ARHGAP11A: variants seen among roughly 807,000 people sequenced by gnomAD.
The protein encoded by ARHGAP11A is rho GTPase-activating protein 11A.
In ARHGAP11A, 36 loss-of-function variants were observed where a neutral mutation model predicts 60.5. That is an observed-to-expected ratio of 0.59 (90% CI 0.46 to 0.79). The LOEUF (loss-of-function observed/expected upper bound fraction) is 0.79. Among genes scored for constraint, ARHGAP11A ranks in the 30% least tolerant of loss-of-function variants. The pLI is 0.00. For missense variants in ARHGAP11A, 1,071 were observed against 1,199.2 expected, an observed-to-expected ratio of 0.89 and a Z score of 1.58; for synonymous variants, 362 against 415.5, an observed-to-expected ratio of 0.87 and a Z score of 1.57.
intron 7 of ARHGAP11A, among the ~76,000 whole-genome samples, chr15:32,629,017 T>G (rs1231312703): frequency 6.6e-6 from 1 of 152,190 alleles, no homozygotes; most frequent in African/African-American, 2.4e-5. Flanking sequence ...AAAATTTTTT[T>G]AGTCTCCTGT....
intron 2 of ARHGAP11A, among the ~76,000 whole-genome samples, chr15:32,621,761 G>C (rs1230416161): frequency 1.3e-5 from 2 of 151,562 alleles, no homozygotes; most frequent in East Asian, 1.9e-4. Flanking sequence ...GGCGGAGCTT[G>C]CAGTGAGCCA....
Position 32,637,034 on chromosome 15 carries a change from A to T in ARHGAP11A, c.2261A>T (p.His754Leu), listed in dbSNP as rs1391532692. Reference protein sequence around the residue: ...MEGNLPKCAAHSKDEARSSFS... With the variant: ...MEGNLPKCAALSKDEARSSFS... ...GGTAACTTACCGAAGTGTGCAGCAC[A>T]TAGCAAGGACGAGGCTAGATCCTCT... The change falls in exon 12 of 12, where the codon CAT becomes CTT. Residue 754 changes from histidine (H) to leucine (L), a missense_variant. Coordinates refer to ENST00000361627, the MANE Select transcript of ARHGAP11A (RefSeq NM_014783.6). 6.2e-7 allele frequency: 1 copy of T among 1,613,960 alleles called. No homozygotes were observed. The highest frequency in any genetic ancestry group is 1.3e-5 in the African/African-American group (1 of 75,070).
At chr15:32,621,869 A>G (rs2053327742) in intron 2 of ARHGAP11A, among the ~76,000 whole-genome samples, 1 of 152,306 alleles carries the variant, frequency 6.6e-6, no homozygotes, top group South Asian at 2.1e-4. Flanking sequence ...CTAAAAATGC[A>G]TATGGTGAAA....
intron 2 of ARHGAP11A, among the ~76,000 whole-genome samples, chr15:32,622,164 A>T (rs1319543510): frequency 6.6e-6 from 1 of 152,310 alleles, no homozygotes; most frequent in East Asian, 1.9e-4. Flanking sequence ...CATGCCTGTT[A>T]TGCCAGCACT....
intron 1 of ARHGAP11A, among the ~76,000 whole-genome samples, chr15:32,618,009 A>C (rs929645899): frequency 3.3e-5 from 5 of 152,204 alleles, no homozygotes; most frequent in African/African-American, 1.2e-4. Context: ...CCACTTCTTC[A>C]TCTAATGATA....
chr15:32,636,732 A>C lies in ARHGAP11A; in HGVS notation c.1959A>C (p.Glu653Asp), dbSNP rs1465611167. Reference protein sequence around the residue: ...LFETNDLTIVESKEKYEHHTG... With the variant: ...LFETNDLTIVDSKEKYEHHTG... The stretch of plus-strand genomic sequence containing the variant: ...AAACTAATGATTTGACTATAGTAGA[A>C]TCAAAGGAGAAATATGAACACCACA... Residue 653 changes from glutamate to aspartate, a missense_variant, in exon 12 of 12, where the codon GAA becomes GAC. Around this residue, in one of 4 missense-constraint regions of ARHGAP11A, gnomAD observed 776 missense variants for 760.2 expected, o/e 1.02. Coordinates refer to ENST00000361627, the MANE Select transcript of ARHGAP11A (RefSeq NM_014783.6). The C allele has an allele frequency of 1.2e-6, 2 of 1,613,838 alleles. No homozygotes were observed. The highest frequency in any genetic ancestry group is 3.3e-5 in the Admixed American group (2 of 59,984).
chr15:32,638,027 C>T lies in ARHGAP11A; in HGVS notation c.*182C>T. The T allele has an allele frequency of 1.7e-6, 1 of 575,702 alleles. No individual in the cohort carries two copies. Among genetic ancestry groups the T allele is most frequent in the Non-Finnish European group, 2.9e-6 (1 of 343,920 alleles). The allele number at this position is 575,702 out of a possible 1,614,324, so 35.7% of individuals were successfully genotyped here. On this transcript the variant is annotated 3_prime_UTR_variant, in exon 12 of 12. Coordinates refer to ENST00000361627, the MANE Select transcript of ARHGAP11A (RefSeq NM_014783.6). ...AGATTTTTATTTGTACAAATTACTT[C>T]TTTGTTTTTCTTAATGATGGCAATT...
chr15:32,618,842 C>A (rs1197855106), intron 1 of ARHGAP11A, among the ~76,000 whole-genome samples: 1 of 149,238 alleles, frequency 6.7e-6, no homozygotes, highest in Non-Finnish European at 1.5e-5. Flanking sequence ...GTCCCAGCTA[C>A]TCGGGAAGCT....
rs558972628 is a variant in ARHGAP11A at position 32,625,131 on chromosome 15, G to A, written c.603G>A (p.Pro201=). The change falls in exon 5 of 12, where the codon CCG becomes CCA. Residue 201 remains proline (P), a synonymous_variant. Transcript: ENST00000361627. ...DSSNLAVIFA[P]NLLQTSEGHE... The stretch of plus-strand genomic sequence containing the variant: ...GCAATCTTGCAGTAATATTTGCACC[G>A]AATCTTCTTCAGACAAGTGAAGGAC... The A allele has an allele frequency of 7.2e-5, 117 of 1,613,862 alleles. No homozygotes were observed. The highest frequency in any genetic ancestry group is 3.3e-4 in the Middle Eastern group (2 of 6,056).
chr15:32,636,016 A>C (rs1418323170), intron 11 of ARHGAP11A, 101 bp downstream of exon 11: 3 of 1,431,198 alleles, frequency 2.1e-6, no homozygotes, highest in Non-Finnish European at 2.8e-6. Context: ...CTAGAGATTA[A>C]AAGTTCATGT....
intron 11 of ARHGAP11A, 66 bp from the exon 12 acceptor site, chr15:32,636,191 T>C (rs2053709358): frequency 6.7e-7 from 1 of 1,494,724 alleles, no homozygotes; most frequent in Non-Finnish European, 8.9e-7. Context: ...ATTTGCCATG[T>C]GCTTGGGTAT....
chr15:32,631,229 T>C (rs191264175), intron 8 of ARHGAP11A, among the ~76,000 whole-genome samples: 5 of 152,336 alleles, frequency 3.3e-5, no homozygotes, highest in Admixed American at 3.3e-4. Flanking sequence ...ATAACAAATA[T>C]GATGCTTTTA....
At chr15:32,627,588 G>T (rs1262944169) in intron 6 of ARHGAP11A, among the ~76,000 whole-genome samples, 2 of 151,904 alleles carry the variant, frequency 1.3e-5, no homozygotes, top group African/African-American at 2.4e-5. Flanking sequence ...AATTAGCTGG[G>T]CGTGGTGGCG....
At chr15:32,618,624 GCAA>G (rs1258580806) in intron 1 of ARHGAP11A, among the ~76,000 whole-genome samples, 59 of 152,168 alleles carry the variant, frequency 3.9e-4, no homozygotes, top group Non-Finnish European at 7.8e-4. Context: ...CAGCTGTTAA[GCAA>G]GAGTTAAGAT....
At chr15:32,631,191 A>C (rs2053575202) in intron 8 of ARHGAP11A, among the ~76,000 whole-genome samples, 1 of 152,248 alleles carries the variant, frequency 6.6e-6, no homozygotes, top group African/African-American at 2.4e-5. Flanking sequence ...TGCAAAATTG[A>C]AAATAGATTG....
intron 2 of ARHGAP11A, among the ~76,000 whole-genome samples, chr15:32,622,056 A>G (rs1458968454): frequency 6.6e-6 from 1 of 152,310 alleles, no homozygotes; most frequent in Non-Finnish European, 1.5e-5. Context: ...TTCTTAGGTA[A>G]CCGCTTAACC....
intron 9 of ARHGAP11A, 55 bp downstream of exon 9, chr15:32,633,163 AT>A (rs1281055901): frequency 2.5e-6 from 4 of 1,580,428 alleles, no homozygotes; most frequent in Non-Finnish European, 3.5e-6. Flanking sequence ...TGTACACATA[AT>A]TAATAAAATG....
intron 2 of ARHGAP11A, among the ~76,000 whole-genome samples, chr15:32,621,837 A>G (rs868086605): frequency 0.18 from 23,834 of 129,402 alleles, no homozygotes; most frequent in African/African-American, 0.28. Context: ...AAAAAAAAAA[A>G]AAGAAAAAAA....
intron 2 of ARHGAP11A, among the ~76,000 whole-genome samples, chr15:32,621,150 A>G (rs1487464477): frequency 3.0e-5 from 3 of 98,748 alleles, no homozygotes; most frequent in African/African-American, 7.9e-5. Flanking sequence ...TAGCTTTTCT[A>G]TGCCACTTAC....
Sources: allele counts gnomAD v4.1 joint callset (sites outside exome capture counted in the v4.1 genomes callset), GRCh38; gene constraint gnomAD v4.1.1; regional missense constraint gnomAD v4.1.1; transcripts MANE v1.5; gene names NCBI Gene and HGNC (gene_info 2026-07-23, HGNC 2026-07-21).